FRMD4A: variants seen among roughly 807,000 people sequenced by gnomAD.
The protein encoded by FRMD4A is FERM domain-containing protein 4A.
FRMD4A carries 29 observed loss-of-function variants against 129.1 expected under a neutral mutation model. The ratio of observed to expected loss-of-function variants is 0.22; its 90% confidence interval spans 0.17 to 0.31. The LOEUF (loss-of-function observed/expected upper bound fraction) is 0.31, where lower values mean the gene tolerates loss of function less well. FRMD4A is among the 10% of genes least tolerant of loss of function. The pLI, the probability that FRMD4A is intolerant of heterozygous loss-of-function variation, is 1.00. For missense variants in FRMD4A, 1,272 were observed against 1,375.8 expected, an observed-to-expected ratio of 0.92 and a Z score of 1.19; for synonymous variants, 634 against 571.6, an observed-to-expected ratio of 1.11 and a Z score of -1.56.
chr10:13,939,835 AG>A (rs1199923398), intron 2 of FRMD4A, among the ~76,000 whole-genome samples: 3 of 152,216 alleles, frequency 2.0e-5, no homozygotes, highest in African/African-American at 7.2e-5. Flanking sequence ...GGCAGCAAAA[AG>A]GTTTTCCCAT....
At chr10:14,180,915 A>C (rs1329944021) in intron 2 of FRMD4A, among the ~76,000 whole-genome samples, 1 of 152,222 alleles carries the variant, frequency 6.6e-6, no homozygotes, top group Non-Finnish European at 1.5e-5. Flanking sequence ...ACTGTATTTT[A>C]TTTACAATTC....
At chr10:13,782,563 C>T (rs2092763572) in intron 6 of FRMD4A, among the ~76,000 whole-genome samples, 1 of 151,922 alleles carries the variant, frequency 6.6e-6, no homozygotes, top group Admixed American at 6.5e-5. Flanking sequence ...CCTGCCTCAC[C>T]CTCCCAAGTA....
chr10:13,902,935 A>G (rs991915726), intron 2 of FRMD4A, among the ~76,000 whole-genome samples: 1 of 151,914 alleles, frequency 6.6e-6, no homozygotes, highest in African/African-American at 2.4e-5. Flanking sequence ...AGCTTGGGTT[A>G]GGGTGTAATA....
At chr10:14,030,403 C>T (rs1833182471) in intron 2 of FRMD4A, among the ~76,000 whole-genome samples, 1 of 152,170 alleles carries the variant, frequency 6.6e-6, no homozygotes, top group African/African-American at 2.4e-5. Flanking sequence ...TAAATACATA[C>T]AATTTTTGTC....
At chr10:13,654,094 G>A (rs2081924730) in intron 23 of FRMD4A, 2 of 515,910 alleles carry the variant, frequency 3.9e-6, no homozygotes, top group Non-Finnish European at 6.8e-6. Flanking sequence ...GTCAGCCTGA[G>A]TATAATCCAA....
intron 2 of FRMD4A, among the ~76,000 whole-genome samples, chr10:13,974,205 T>C (rs999190234): frequency 6.6e-6 from 1 of 152,274 alleles, no homozygotes; most frequent in East Asian, 1.9e-4. Flanking sequence ...TGTATATATT[T>C]AGCTTATGGT....
At chr10:14,035,318 G>A (rs1202361910) in intron 2 of FRMD4A, among the ~76,000 whole-genome samples, 2 of 151,678 alleles carry the variant, frequency 1.3e-5, no homozygotes, top group Admixed American at 6.6e-5. Context: ...AGGCTGAGGC[G>A]GGAGGACTGC....
chr10:14,059,271 G>T (rs920919433), intron 2 of FRMD4A, among the ~76,000 whole-genome samples: 5 of 152,140 alleles, frequency 3.3e-5, no homozygotes, highest in Admixed American at 1.3e-4. Flanking sequence ...TAATGTACAG[G>T]CTAGAGGTAG....
chr10:13,751,468 G>A (rs1588557331), intron 8 of FRMD4A, among the ~76,000 whole-genome samples: 1 of 152,166 alleles, frequency 6.6e-6, no homozygotes, highest in East Asian at 1.9e-4. Flanking sequence ...ATAACTTAGG[G>A]GTGTCTAGCC....
intron 2 of FRMD4A, among the ~76,000 whole-genome samples, chr10:14,073,077 C>G (rs1388424329): frequency 6.6e-6 from 1 of 152,198 alleles, no homozygotes; most frequent in Non-Finnish European, 1.5e-5. Context: ...AAGACATACA[C>G]TACGAGAACC....
chr10:13,644,495 G>A lies in FRMD4A; in HGVS notation c.*2543C>T, dbSNP rs985169134. On this transcript the variant is annotated 3_prime_UTR_variant, in exon 25 of 25. Coordinates refer to ENST00000357447, the MANE Select transcript of FRMD4A (RefSeq NM_018027.5). Reference sequence around the variant, plus strand: ...CTACCAGACTATCATGATGTTTGTTGGAACTGTAATTCCTGCTCTCCATTT... The same window carrying A: ...CTACCAGACTATCATGATGTTTGTTAGAACTGTAATTCCTGCTCTCCATTT... 6.6e-6 allele frequency: 1 copy of A among 152,144 alleles called. No individual in the cohort carries two copies. The highest frequency in any genetic ancestry group is 2.4e-5 in the African/African-American group (1 of 41,428). The allele number at this position is 152,144 out of a possible 1,614,324, so 9.4% of individuals were successfully genotyped here.
At chr10:14,029,136 C>A (rs142241540) in intron 2 of FRMD4A, among the ~76,000 whole-genome samples, 1 of 152,072 alleles carries the variant, frequency 6.6e-6, no homozygotes, top group African/African-American at 2.4e-5. Flanking sequence ...AATTCAGAAC[C>A]GTTAAATTTC....
intron 3 of FRMD4A, among the ~76,000 whole-genome samples, chr10:13,849,214 C>T (rs1455403355): frequency 6.6e-6 from 1 of 152,208 alleles, no homozygotes; most frequent in African/African-American, 2.4e-5. Context: ...AGGTTCATAA[C>T]ACTGAGTCCC....
At chr10:14,324,819 C>G (rs1012428314) in intron 2 of FRMD4A, among the ~76,000 whole-genome samples, 5 of 152,194 alleles carry the variant, frequency 3.3e-5, no homozygotes, top group East Asian at 1.9e-4. Context: ...CCCCACCACG[C>G]CTTGCTAATT....
chr10:13,886,699 GCCT>G (rs2094626355), intron 2 of FRMD4A, among the ~76,000 whole-genome samples: 1 of 151,768 alleles, frequency 6.6e-6, no homozygotes, highest in African/African-American at 2.4e-5. Flanking sequence ...TCCCATTTTA[GCCT>G]CCTGGAGCAG....
At chr10:14,151,434 T>A (rs934449663) in intron 2 of FRMD4A, among the ~76,000 whole-genome samples, 1 of 152,102 alleles carries the variant, frequency 6.6e-6, no homozygotes, top group Non-Finnish European at 1.5e-5. Context: ...CACTTTTAAG[T>A]GGGAGCTAAA....
chr10:13,960,687 TG>T (rs2095440865), intron 2 of FRMD4A, among the ~76,000 whole-genome samples: 1 of 152,178 alleles, frequency 6.6e-6, no homozygotes, highest in African/African-American at 2.4e-5. Flanking sequence ...GCTGACTGTC[TG>T]GGATGGGTTG....
Position 13,988,064 on chromosome 10 carries a change from T to G in FRMD4A, c.46-129152A>C, listed in dbSNP as rs112120789. Among the ~76,000 whole-genome samples, 642 of 152,282 alleles carry G rather than the reference T, an allele frequency of 4.2e-3. 4 individuals are homozygous for G. The highest frequency in any genetic ancestry group is 0.015 in the African/African-American group (603 of 41,552). Reference sequence around the variant, plus strand: ...AAATAAAAAAAATCTGATCAGACAGTAGGCAAAAGCAGTGTCTCAGGCCCA... The same window carrying G: ...AAATAAAAAAAATCTGATCAGACAGGAGGCAAAAGCAGTGTCTCAGGCCCA... On this transcript the variant is annotated intron_variant, in intron 2 of 24. Transcript: ENST00000357447.
chr10:13,757,122 A>G (rs569452506), intron 8 of FRMD4A, among the ~76,000 whole-genome samples: 1 of 152,338 alleles, frequency 6.6e-6, no homozygotes, highest in African/African-American at 2.4e-5. Context: ...CGATTATCGA[A>G]AGACAATTTT....
Sources: gnomAD v4.1 joint callset for allele counts (sites outside exome capture counted in the v4.1 genomes callset) on GRCh38, gnomAD v4.1.1 for gene constraint, MANE v1.5 for transcripts, NCBI Gene and HGNC (gene_info 2026-07-23, HGNC 2026-07-21) for gene names.